RASIP1: variants seen among roughly 807,000 people sequenced by gnomAD.
RASIP1 encodes ras-interacting protein 1.
Under a neutral mutation model 85.3 loss-of-function variants are expected in RASIP1, and 20 were observed. The ratio of observed to expected loss-of-function variants is 0.23; its 90% CI spans 0.17 to 0.34. The LOEUF is 0.34. Among genes scored for constraint, RASIP1 ranks in the 10% least tolerant of loss-of-function variants. The probability of loss-of-function intolerance (pLI) is 1.00; values close to 1 mark genes in which losing one functional copy is unlikely to be tolerated. For synonymous variants in RASIP1, 617 were observed against 647.1 expected, an observed-to-expected ratio of 0.95 and a Z score of 0.71; for missense variants, 1,170 against 1,390.9, an observed-to-expected ratio of 0.84 and a Z score of 2.53.
At chr19:48,726,343 C>T (rs561161266) in intron 8 of RASIP1, among the ~76,000 whole-genome samples, 1 of 152,332 alleles carries the variant, frequency 6.6e-6, no homozygotes, top group East Asian at 1.9e-4. Flanking sequence ...TCTTGTGCCT[C>T]AGCCTCTCCA....
In RASIP1 at chr19:48,728,929, G is replaced by A. The variant is rs2033392822; in HGVS notation, c.1833+8C>T. On this transcript the variant is annotated splice_region_variant and intron_variant, in intron 5 of 11. Transcript: ENST00000222145. ...GGTGGGGCTGGACGGCGATTGGGGG[G>A]CGCTCACCCAGACGGCCTCCTTGAT... The A allele has an allele frequency of 2.8e-6, 4 of 1,439,810 alleles. No individual in the cohort carries two copies. Among genetic ancestry groups the A allele is most frequent in the Non-Finnish European group, 3.6e-6 (4 of 1,107,192 alleles). 89.2% of individuals were successfully genotyped at this position (1,439,810 alleles called of 1,614,324 possible).
At chr19:48,729,706 CTT>C (rs1568479243) in intron 4 of RASIP1, 116 bp from the exon 5 acceptor site, 4 of 594,096 alleles carry the variant, frequency 6.7e-6, no homozygotes, top group Non-Finnish European at 2.7e-6. Flanking sequence ...TTTCCTTCTT[CTT>C]CTTTTTTTTT....
In RASIP1 at chr19:48,738,065, C is replaced by T. The variant is rs2033604663; in HGVS notation, c.823+895G>A. ...GTTCAAATTATTCTCATGTCTCGGC[C>T]TCCCGAGTAGCTGGGATTACAGGCA... is the stretch of plus-strand genomic sequence containing the variant. On this transcript the variant is annotated intron_variant, in intron 3 of 11. Transcript: ENST00000222145. The surrounding 1 kb of genome is among the most constrained non-coding windows in gnomAD (Gnocchi z 4.0). The T allele has an allele frequency of 2.0e-6, 1 of 500,194 alleles. No individual in the cohort carries two copies. Among genetic ancestry groups the T allele is most frequent in the South Asian group, 8.5e-5 (1 of 11,696 alleles). The allele number at this position is 500,194 out of a possible 1,614,324, so 31.0% of individuals were successfully genotyped here. A position where few individuals can be genotyped will look rare whatever the true frequency, so the allele number is the denominator to read the frequency against.
In RASIP1 at chr19:48,738,864, A is replaced by G. The variant is rs964389853; in HGVS notation, c.823+96T>C. The G allele has an allele frequency of 2.7e-5, 13 of 475,540 alleles. 2 individuals are homozygous for G. The highest frequency in any genetic ancestry group is 8.9e-5 in the African/African-American group (2 of 22,560). The allele number at this position is 475,540 out of a possible 1,614,324, so 29.5% of individuals were successfully genotyped here. A position where few individuals can be genotyped will look rare whatever the true frequency, so the allele number is the denominator to read the frequency against. ...CCTCCCGCGGGCCCCGCCCCCAGCC[A>G]GCCCGCGAGTCCCACAAGCCCCGCC... On this transcript the variant is annotated intron_variant, in intron 3 of 11. Coordinates refer to ENST00000222145, the MANE Select transcript of RASIP1 (RefSeq NM_017805.3). The surrounding 1 kb of genome is among the most constrained non-coding windows in gnomAD (Gnocchi z 4.0).
rs1599751116 is a variant in RASIP1, at chr19:48,738,995, A to G, written c.788T>C (p.Leu263Pro). Reference protein sequence around the residue: ...ELRGREEARRLEQEAFGAADS... With the variant: ...ELRGREEARRPEQEAFGAADS... ...CGCGGCCCCGAAGGCCTCCTGCTCC[A>G]GGCGCCGCGCCTCCTCGCGGCCGCG... The change falls in exon 3 of 12, where the codon CTG becomes CCG. Residue 263 changes from leucine to proline, a missense_variant. Physicochemically the swap from Leu to Pro is moderately conservative, Grantham distance 98. This residue lies in a region of RASIP1 where 301 missense variants were observed against 294.8 expected (regional missense o/e 1.02). Transcript: ENST00000222145. This position sits in a 1 kb window ranked among gnomAD's most constrained non-coding sequence, Gnocchi z 4.0. 1 of 1,229,004 alleles carries G rather than the reference A, an allele frequency of 8.1e-7. No homozygotes were observed. Among genetic ancestry groups the G allele is most frequent in the South Asian group, 3.4e-5 (1 of 29,334 alleles). The allele number at this position is 1,229,004 out of a possible 1,614,324, so 76.1% of individuals were successfully genotyped here. A position where few individuals can be genotyped will look rare whatever the true frequency, so the allele number is the denominator to read the frequency against.
Position 48,729,062 on chromosome 19 carries a change from G to A in RASIP1, c.1708C>T (p.Leu570=). 1 of 1,389,868 alleles carries A rather than the reference G, an allele frequency of 7.2e-7. No individual in the cohort carries two copies. The highest frequency in any genetic ancestry group is 9.2e-7 in the Non-Finnish European group (1 of 1,081,880). The allele number at this position is 1,389,868 out of a possible 1,614,324, so 86.1% of individuals were successfully genotyped here. ...AGCGTGGCGGGCCCGAGGGGCGGCA[G>A]GTCTCCCGAGCCGGCGGCTGCGGCG... ...VRAAAAGSGD[L]PPLGPATLLA... The change falls in exon 5 of 12, where the codon CTG becomes TTG. Residue 570 remains leucine, a synonymous_variant. Transcript: ENST00000222145.
rs934829892 is a variant in RASIP1 at position 48,739,444 on chromosome 19, C to T, written c.339G>A (p.Gly113=). The change falls in exon 3 of 12, where the codon GGG becomes GGA. Residue 113 remains glycine (G), a synonymous_variant. Transcript: ENST00000222145. The surrounding 1 kb of genome is among the most constrained non-coding windows in gnomAD (Gnocchi z 9.2). ...SSGAGGPGTP[G]GAQRWASEKK... Reference sequence around the variant, plus strand: ...TCTCGCTGGCCCAGCGCTGCGCGCCCCCCGGGGTCCCAGGGCCTCCTGCGC... The same window carrying T: ...TCTCGCTGGCCCAGCGCTGCGCGCCTCCCGGGGTCCCAGGGCCTCCTGCGC... 1 of 1,454,814 alleles carries T rather than the reference C, an allele frequency of 6.9e-7. No homozygotes were observed. The highest frequency in any genetic ancestry group is 9.0e-7 in the Non-Finnish European group (1 of 1,109,154). 90.1% of individuals were successfully genotyped at this position (1,454,814 alleles called of 1,614,324 possible).
At chr19:48,725,020 G>A (rs2122424819) in intron 8 of RASIP1, 60 bp from the exon 9 acceptor site, 1 of 1,567,422 alleles carries the variant, frequency 6.4e-7, no homozygotes. Flanking sequence ...AAGCTTCAGG[G>A]TAATAGAGCA....
At chr19:48,725,920 T>A (rs145522567) in intron 8 of RASIP1, among the ~76,000 whole-genome samples, 66 of 152,172 alleles carry the variant, frequency 4.3e-4, no homozygotes, top group African/African-American at 1.3e-3. Flanking sequence ...CTTTTTTTTT[T>A]ATTTCGTTTA....
chr19:48,727,300 T>G, intron 6 of RASIP1, 93 bp downstream of exon 6: 1 of 1,549,142 alleles, frequency 6.5e-7, no homozygotes, highest in Admixed American at 1.8e-5. Context: ...AAGCAGAAAC[T>G]TGCACTGGGG....
At chr19:48,732,476 G>A (rs930362813) in intron 4 of RASIP1, among the ~76,000 whole-genome samples, 2 of 151,754 alleles carry the variant, frequency 1.3e-5, no homozygotes, top group Non-Finnish European at 2.9e-5. Context: ...GGATGGTCTC[G>A]ATCTCATGAC....
chr19:48,740,472 T>C lies in RASIP1; in HGVS notation c.-5+49A>G. 3 of 1,400,326 alleles carry C rather than the reference T, an allele frequency of 2.1e-6. No homozygotes were observed. The highest frequency in any genetic ancestry group is 2.8e-6 in the Non-Finnish European group (3 of 1,083,972). The allele number at this position is 1,400,326 out of a possible 1,614,324, so 86.7% of individuals were successfully genotyped here. On this transcript the variant is annotated intron_variant, in intron 1 of 11. Transcript: ENST00000222145. The surrounding 1 kb of genome is among the most constrained non-coding windows in gnomAD (Gnocchi z 5.5). Reference sequence around the variant, plus strand: ...TGGAAGATGGCTGGGGGACTGAGTCTTGGGGCCCAGGGAGGAGGGGTTTGG... The same window carrying C: ...TGGAAGATGGCTGGGGGACTGAGTCCTGGGGCCCAGGGAGGAGGGGTTTGG...
chr19:48,734,498 T>C (rs1240854730), intron 4 of RASIP1, among the ~76,000 whole-genome samples: 3 of 147,102 alleles, frequency 2.0e-5, no homozygotes, highest in African/African-American at 7.5e-5. Flanking sequence ...TTCTTTTTTT[T>C]TTTTTTTGAG....
chr19:48,722,103 T>A, intron 10 of RASIP1, 102 bp from the exon 11 acceptor site: 1 of 1,174,394 alleles, frequency 8.5e-7, no homozygotes, highest in Non-Finnish European at 1.1e-6. Flanking sequence ...GGGAAGATAA[T>A]GGCATCTCTG....
In RASIP1 at chr19:48,739,212, C is replaced by A. The variant is rs751801226; in HGVS notation, c.571G>T (p.Gly191Cys). The change falls in exon 3 of 12, where the codon GGT (glycine) becomes TGT (cysteine). Residue 191 changes from glycine to cysteine, a missense_variant. Coordinates refer to ENST00000222145, the MANE Select transcript of RASIP1 (RefSeq NM_017805.3). The surrounding 1 kb of genome is among the most constrained non-coding windows in gnomAD (Gnocchi z 9.2). ...ACGCAGCTGCTCTCGCCGGGGCCAC[C>A]GCCGGGGCTGCCTGCTAGGCCGTAG... is the stretch of plus-strand genomic sequence containing the variant. ...ERYGLAGSPG[G>C]GPGESSCVDA... The A allele has an allele frequency of 6.8e-6, 10 of 1,480,924 alleles. No homozygotes were observed. Among genetic ancestry groups the A allele is most frequent in the Non-Finnish European group, 8.9e-6 (10 of 1,122,948 alleles). The allele number at this position is 1,480,924 out of a possible 1,614,324, so 91.7% of individuals were successfully genotyped here. A position where few individuals can be genotyped will look rare whatever the true frequency, so the allele number is the denominator to read the frequency against.
Position 48,728,960 on chromosome 19 carries a change from G to A in RASIP1, c.1810C>T (p.Arg604Trp), listed in dbSNP as rs1021052230. 1.4e-6 allele frequency: 2 copies of A among 1,458,028 alleles called. No individual in the cohort carries two copies. Among genetic ancestry groups the A allele is most frequent in the Non-Finnish European group, 1.8e-6 (2 of 1,114,658 alleles). The allele number at this position is 1,458,028 out of a possible 1,614,324, so 90.3% of individuals were successfully genotyped here. The change falls in exon 5 of 12, where the codon CGG (arginine) becomes TGG (tryptophan). Residue 604 changes from arginine to tryptophan, a missense_variant. Transcript: ENST00000222145. ...ACCCAGACGGCCTCCTTGATGAGCC[G>A]GGCCAGGCGGCCCAGCAGTCGTGGC... ...HLPRLLGRLARLIKEAVWEKI... is the reference protein window; with the variant it reads ...HLPRLLGRLAWLIKEAVWEKI...
rs779181019 is a variant in RASIP1, at chr19:48,721,905, G to T, written c.2641C>A (p.Pro881Thr). 6.2e-7 allele frequency: 1 copy of T among 1,605,340 alleles called. No homozygotes were observed. Among genetic ancestry groups the T allele is most frequent in the Non-Finnish European group, 8.5e-7 (1 of 1,176,156 alleles). Residue 881 changes from proline (P) to threonine (T), a missense_variant, in exon 11 of 12, where the codon CCG (proline) becomes ACG (threonine). Transcript: ENST00000222145. ...SHYQLGPGRGPPAAWDPPPAE... is the reference protein window; with the variant it reads ...SHYQLGPGRGTPAAWDPPPAE... ...GGGGGAGGGTCCCACGCGGCTGGCG[G>T]CCCGCGGCCAGGGCCCAGCTGATAG...
chr19:48,728,453 T>TG (rs1055640078), intron 5 of RASIP1, among the ~76,000 whole-genome samples: 6 of 152,096 alleles, frequency 3.9e-5, no homozygotes, highest in Admixed American at 3.3e-4. Flanking sequence ...CAGCATTCTA[T>TG]GGGGGGGCCC....
At chr19:48,732,064 C>CTTTTTT (rs11311120) in intron 4 of RASIP1, among the ~76,000 whole-genome samples, 1 of 143,960 alleles carries the variant, frequency 6.9e-6, no homozygotes. Flanking sequence ...TTTTTAATCT[C>CTTTTTT]TTTTTTTTTT....
Sources: allele counts gnomAD v4.1 joint callset (sites outside exome capture counted in the v4.1 genomes callset), GRCh38; gene constraint gnomAD v4.1.1; regional missense constraint gnomAD v4.1.1; non-coding constraint Gnocchi (gnomAD v3.1); transcripts MANE v1.5; gene names NCBI Gene and HGNC (gene_info 2026-07-23, HGNC 2026-07-21).